POLE: variants seen among roughly 807,000 people sequenced by gnomAD.
POLE encodes DNA polymerase epsilon, catalytic subunit.
In POLE, 188 loss-of-function variants were observed where a neutral mutation model predicts 279.2. The observed-to-expected ratio is 0.67, with a 90% confidence interval of 0.60 to 0.76. The LOEUF is 0.76. Ranked by LOEUF, POLE falls within the 30% of genes least tolerant of loss-of-function variation. The probability of loss-of-function intolerance (pLI) is 0.00; values close to 1 mark genes in which losing one functional copy is unlikely to be tolerated. For synonymous variants in POLE, 1,214 were observed against 1,172.5 expected (o/e 1.04, Z -0.72); for missense variants, 2,703 against 3,016.7 (o/e 0.90, Z 2.44).
At chr12:132,669,239 A>AG (rs1437194557) in intron 16 of POLE, among the ~76,000 whole-genome samples, 2 of 152,126 alleles carry the variant, frequency 1.3e-5, no homozygotes, top group African/African-American at 2.4e-5. Flanking sequence ...CCGAGGCCAG[A>AG]GGATCACTTG....
chr12:132,657,026 T>A (rs2042557143), intron 29 of POLE, 110 bp downstream of exon 29: 1 of 1,221,650 alleles, frequency 8.2e-7, no homozygotes, highest in Non-Finnish European at 1.2e-6. Flanking sequence ...AAGTCCATTT[T>A]CGATGCTTGA....
chr12:132,644,785 GTC>G (rs1565941600), intron 32 of POLE, among the ~76,000 whole-genome samples: 1 of 101,278 alleles, frequency 9.9e-6, no homozygotes, highest in Non-Finnish European at 2.0e-5. Context: ...CCTGTGTGGG[GTC>G]CTGGGGGGGT....
At chr12:132,669,769 C>A (rs2042882544) in intron 16 of POLE, among the ~76,000 whole-genome samples, 1 of 152,214 alleles carries the variant, frequency 6.6e-6, no homozygotes, top group South Asian at 2.1e-4. Flanking sequence ...GGGACACCAC[C>A]TGGACATGCC....
chr12:132,647,943 T>G (rs2042324343), intron 32 of POLE, among the ~76,000 whole-genome samples: 1 of 152,182 alleles, frequency 6.6e-6, no homozygotes, highest in Non-Finnish European at 1.5e-5. Context: ...CTGAATCACC[T>G]GGCTGGAATC....
Position 132,625,737 on chromosome 12 carries a change from T to A in POLE, c.6565A>T (p.Asn2189Tyr), listed in dbSNP as rs150345709. 1.9e-6 allele frequency: 3 copies of A among 1,612,820 alleles called. No homozygotes were observed. Among genetic ancestry groups the A allele is most frequent in the Non-Finnish European group, 2.5e-6 (3 of 1,179,982 alleles). Reference sequence around the variant, plus strand: ...GAGGAGTCGTAGGGCGCCTGACAGTTGGAGCAGAGCCACTGAGGCAGGACC... The same window carrying A: ...GAGGAGTCGTAGGGCGCCTGACAGTAGGAGCAGAGCCACTGAGGCAGGACC... ...GAVLPQWLCS[N>Y]CQAPYDSSAI... is the part of the protein sequence containing the mutation. The change falls in exon 47 of 49, where the codon AAC (asparagine) becomes TAC (tyrosine). Residue 2189 changes from asparagine to tyrosine, a missense_variant. By Grantham distance (143) the Asn-to-Tyr change is moderately radical (BLOSUM62 -2). Transcript: ENST00000320574.
rs2136010580 is a variant in POLE, at chr12:132,675,699, G to A, written c.1106+36C>T. 1 of 1,591,712 alleles carries A rather than the reference G, an allele frequency of 6.3e-7. No homozygotes were observed. The highest frequency in any genetic ancestry group is 8.6e-7 in the Non-Finnish European group (1 of 1,159,944). On this transcript the variant is annotated intron_variant, in intron 11 of 48. Coordinates refer to ENST00000320574, the MANE Select transcript of POLE (RefSeq NM_006231.4). The surrounding 1 kb of genome is among the most constrained non-coding windows in gnomAD (Gnocchi z 4.3). Reference sequence around the variant, plus strand: ...CCACGCAACGCCCTCCCTCTCAAATGCTGCCCAGTTACTCATAGAGAAGAC... The same window carrying A: ...CCACGCAACGCCCTCCCTCTCAAATACTGCCCAGTTACTCATAGAGAAGAC...
At chr12:132,658,590 T>C (rs2042602638) in intron 26 of POLE, 1 of 153,230 alleles carries the variant, frequency 6.5e-6, no homozygotes, top group Non-Finnish European at 1.5e-5. Context: ...TGTTTTCATG[T>C]CACTAGCAAA....
At chr12:132,676,264 T>C (rs2043049560) in intron 9 of POLE, 60 bp from the exon 10 acceptor site, 1 of 1,135,238 alleles carries the variant, frequency 8.8e-7, no homozygotes, top group Non-Finnish European at 1.3e-6. Context: ...GAAATGGCGT[T>C]CCCACCCTGC....
intron 2 of POLE, 164 bp downstream of exon 2, chr12:132,680,974 C>T (rs1593087704): frequency 1.3e-6 from 1 of 777,606 alleles, no homozygotes; most frequent in Non-Finnish European, 2.0e-6. Context: ...CTCTCTGTGG[C>T]CCTCAATGAC....
At position 132,673,540 on chromosome 12, in the gene POLE, C is replaced by T. The variant is rs370566414; in HGVS notation, c.1359+35G>A. 1.2e-4 allele frequency: 191 copies of T among 1,592,822 alleles called. No individual in the cohort carries two copies. The highest frequency in any genetic ancestry group is 1.6e-4 in the Non-Finnish European group (183 of 1,169,484). ...CCGTGGCCATCTGGATGCGTGCACACGGCAGCAGGGGCAGCCGGGATGTGG... is the reference window on the plus strand; with the variant it reads ...CCGTGGCCATCTGGATGCGTGCACATGGCAGCAGGGGCAGCCGGGATGTGG... On this transcript the variant is annotated intron_variant, in intron 13 of 48. Coordinates refer to ENST00000320574, the MANE Select transcript of POLE (RefSeq NM_006231.4).
intron 42 of POLE, among the ~76,000 whole-genome samples, chr12:132,635,215 C>T (rs2042007982): frequency 6.6e-6 from 1 of 152,174 alleles, no homozygotes; most frequent in South Asian, 2.1e-4. Context: ...GTGACCCCTT[C>T]CCCAGACTGC....
rs750972608 is a variant in POLE, at chr12:132,624,697, C to T, written c.6861G>A (p.Ter2287=). Residue 2287 remains the stop codon, a stop_retained_variant, in exon 49 of 49, where the codon TAG becomes TAA. Transcript: ENST00000320574. ...LLQKNPQLGH[*] is the part of the protein sequence containing the mutation. ...AGAGGCACCCGGGGCCCGGGGCTGG[C>T]TAATGGCCCAGCTGTGGGTTCTTCT... is the stretch of plus-strand genomic sequence containing the variant. 6.3e-7 allele frequency: 1 copy of T among 1,595,546 alleles called. No individual in the cohort carries two copies. Among genetic ancestry groups the T allele is most frequent in the Non-Finnish European group, 8.6e-7 (1 of 1,163,686 alleles).
intron 6 of POLE, among the ~76,000 whole-genome samples, chr12:132,678,347 G>A (rs983344819): frequency 2.0e-5 from 3 of 151,892 alleles, no homozygotes; most frequent in East Asian, 1.9e-4. Flanking sequence ...CAGGAGGATC[G>A]CTTCGGCCCA....
Position 132,625,013 on chromosome 12 carries a change from G to A in POLE, c.6658-19C>T, listed in dbSNP as rs5745081. The stretch of plus-strand genomic sequence containing the variant: ...GGCAGACCTGAAAGGGAGCAGCCCC[G>A]ATGGGCGCCAGCCCTCCCGCGCTGG... On this transcript the variant is annotated intron_variant, in intron 47 of 48. Coordinates refer to ENST00000320574, the MANE Select transcript of POLE (RefSeq NM_006231.4). The A allele has an allele frequency of 1.2e-5, 20 of 1,602,274 alleles. No individual in the cohort carries two copies. The highest frequency in any genetic ancestry group is 4.0e-5 in the African/African-American group (3 of 74,690).
Position 132,686,577 on chromosome 12 carries a change from A to T in POLE, c.62+677T>A, listed in dbSNP as rs2043274184. On this transcript the variant is annotated intron_variant, in intron 1 of 48. Transcript: ENST00000320574. ...TGGTGAAACCCGGTCTCTACTAAAAATACAAAAACTAGCCGGGCCTGGTGG... is the reference window on the plus strand; with the variant it reads ...TGGTGAAACCCGGTCTCTACTAAAATTACAAAAACTAGCCGGGCCTGGTGG... Among the ~76,000 whole-genome samples the T allele has an allele frequency of 2.0e-5, 3 of 152,054 alleles. No individual in the cohort carries two copies. In the South Asian group the frequency reaches 6.2e-4, roughly 32 times the overall value.
chr12:132,677,316 C>A, intron 8 of POLE, 47 bp downstream of exon 8: 1 of 1,410,494 alleles, frequency 7.1e-7, no homozygotes, highest in Non-Finnish European at 1.0e-6. Flanking sequence ...ATATTCTCTC[C>A]AGAAAACTGG....
chr12:132,632,398 G>A lies in POLE; in HGVS notation c.6247C>T (p.Leu2083Phe), dbSNP rs1022668614. The change falls in exon 45 of 49, where the codon CTC becomes TTC. Residue 2083 changes from leucine (L) to phenylalanine (F), a missense_variant. This residue lies in a region of POLE where 1,551 missense variants were observed against 1,686.1 expected (regional missense o/e 0.92). Coordinates refer to ENST00000320574, the MANE Select transcript of POLE (RefSeq NM_006231.4). ...KVTGSRNSTELSEMFPVLPGS... is the reference protein window; with the variant it reads ...KVTGSRNSTEFSEMFPVLPGS... ...GGGAGGACAGGAAACATCTCTGAGA[G>A]CTCAGTGGAGTTCCGAGAGCCTGTG... 1 of 1,613,832 alleles carries A rather than the reference G, an allele frequency of 6.2e-7. No homozygotes were observed. The highest frequency in any genetic ancestry group is 1.3e-5 in the African/African-American group (1 of 75,036).
At position 132,632,720 on chromosome 12, in the gene POLE, C is replaced by T. The variant is rs1479792502; in HGVS notation, c.6080G>A (p.Arg2027Lys). 1.2e-6 allele frequency: 2 copies of T among 1,613,828 alleles called. No homozygotes were observed. The highest frequency in any genetic ancestry group is 1.7e-6 in the Non-Finnish European group (2 of 1,179,956). Residue 2027 changes from arginine to lysine, a missense_variant, in exon 44 of 49, where the codon AGG becomes AAG. Transcript: ENST00000320574. ...RSAPGSTPVR[R>K]RGASQLSQEA... ...CTGGGAGAGCTGGCTGGCCCCCCTC[C>T]TCCTCACGGGGGTGCTCCCTGGAGC...
At position 132,676,644 on chromosome 12, in the gene POLE, C is replaced by A. The variant is rs2043060448; in HGVS notation, c.811G>T (p.Val271Phe). 1 of 1,611,204 alleles carries A rather than the reference C, an allele frequency of 6.2e-7. No individual in the cohort carries two copies. The highest frequency in any genetic ancestry group is 2.2e-5 in the East Asian group (1 of 44,862). ...DDLVERPDPV[V>F]LAFDIETTKL... ...GTCGTCTCAATGTCAAATGCCAAAA[C>A]CACAGGGTCCTGTGGGGACAAAATA... is the stretch of plus-strand genomic sequence containing the variant. The change falls in exon 9 of 49, where the codon GTT (valine) becomes TTT (phenylalanine). Residue 271 changes from valine to phenylalanine, a missense_variant. Around this residue, in one of 5 missense-constraint regions of POLE, gnomAD observed 1,011 missense variants for 1,111.7 expected, o/e 0.91. Coordinates refer to ENST00000320574, the MANE Select transcript of POLE (RefSeq NM_006231.4).
Sources: allele counts gnomAD v4.1 joint callset (sites outside exome capture counted in the v4.1 genomes callset), GRCh38; gene constraint gnomAD v4.1.1; regional missense constraint gnomAD v4.1.1; non-coding constraint Gnocchi (gnomAD v3.1); transcripts MANE v1.5; gene names NCBI Gene and HGNC (gene_info 2026-07-23, HGNC 2026-07-21).